MAP4K3: variants seen among roughly 807,000 people sequenced by gnomAD.
MAP4K3 encodes mitogen-activated protein kinase kinase kinase kinase 3, also known as MAPK/ERK kinase kinase kinase 3.
MAP4K3 carries 94 observed loss-of-function variants against 143.5 expected under a neutral mutation model. That is an observed-to-expected ratio of 0.65 (90% CI 0.55 to 0.78). MAP4K3 has a LOEUF of 0.78. Among genes scored for constraint, MAP4K3 ranks in the 30% least tolerant of loss-of-function variants. MAP4K3 has a pLI of 0.00. For synonymous variants in MAP4K3, 416 were observed against 347.2 expected (o/e 1.20, Z -2.20); for missense variants, 1,077 against 1,068.1 (o/e 1.01, Z -0.12).
intron 7 of MAP4K3, 50 bp from the exon 8 acceptor site, chr2:39,332,039 G>T: frequency 9.5e-7 from 1 of 1,051,884 alleles, no homozygotes; most frequent in Non-Finnish European, 1.4e-6. Context: ...AAATAAAATT[G>T]TTTAAGGCAA....
At chr2:39,338,053 G>A (rs1397182698) in intron 4 of MAP4K3, among the ~76,000 whole-genome samples, 1 of 152,028 alleles carries the variant, frequency 6.6e-6, no homozygotes, top group Non-Finnish European at 1.5e-5. Context: ...GTGAGCCACT[G>A]TGCCCAGCCA....
At chr2:39,307,668 TAAA>T (rs941194072) in intron 15 of MAP4K3, among the ~76,000 whole-genome samples, 4 of 146,590 alleles carry the variant, frequency 2.7e-5, no homozygotes, top group African/African-American at 1.0e-4. Flanking sequence ...TGCCATTTCT[TAAA>T]AAAAAAACCC....
At chr2:39,366,752 T>C (rs1218387720) in intron 2 of MAP4K3, among the ~76,000 whole-genome samples, 1 of 152,110 alleles carries the variant, frequency 6.6e-6, no homozygotes, top group Non-Finnish European at 1.5e-5. Flanking sequence ...ACTACTGGAG[T>C]ACCAGGAAAT....
chr2:39,341,416 T>C (rs900061692), intron 4 of MAP4K3, among the ~76,000 whole-genome samples: 12 of 152,042 alleles, frequency 7.9e-5, no homozygotes, highest in African/African-American at 2.7e-4. Context: ...CCTAGCACTT[T>C]GGGAAGCTGA....
intron 1 of MAP4K3, among the ~76,000 whole-genome samples, chr2:39,394,727 G>A (rs902435116): frequency 6.6e-6 from 1 of 152,116 alleles, no homozygotes; most frequent in African/African-American, 2.4e-5. Flanking sequence ...GAAACGAAGA[G>A]GGCAACTTCA....
chr2:39,268,616 C>A (rs1018086816), intron 26 of MAP4K3, among the ~76,000 whole-genome samples: 1 of 134,664 alleles, frequency 7.4e-6, no homozygotes, highest in East Asian at 2.3e-4. Context: ...CCACTGTGCC[C>A]GGCTAAAGAT....
intron 1 of MAP4K3, among the ~76,000 whole-genome samples, chr2:39,379,581 T>C (rs940338276): frequency 2.0e-5 from 3 of 152,096 alleles, no homozygotes; most frequent in South Asian, 2.1e-4. Context: ...AGGCAGAGTG[T>C]ATCTGAAAAA....
rs1268859534 is a variant in MAP4K3, at chr2:39,420,580, C to CT, written c.96+16311dup. On this transcript the variant is annotated intron_variant, in intron 1 of 33. Transcript: ENST00000263881. ...TACAGGCATGTGCCACCATGCCTGG[C>CT]TTTTTTTTTTTTTTAAGAGATGAGG... Among the ~76,000 whole-genome samples, 330 of 139,546 alleles carry CT rather than the reference C, an allele frequency of 2.4e-3. 1 individual carries two copies. The highest frequency in any genetic ancestry group is 0.015 in the Middle Eastern group (4 of 272). 91.5% of individuals were successfully genotyped at this position (139,546 alleles called of 152,430 possible). A position where few individuals can be genotyped will look rare whatever the true frequency, so the allele number is the denominator to read the frequency against.
At chr2:39,294,979 T>A (rs1056266659) in intron 16 of MAP4K3, among the ~76,000 whole-genome samples, 1 of 151,504 alleles carries the variant, frequency 6.6e-6, no homozygotes, top group African/African-American at 2.4e-5. Context: ...ACAGATTGAA[T>A]GCAGTAGCAG....
At chr2:39,416,416 G>C (rs1667382342) in intron 1 of MAP4K3, among the ~76,000 whole-genome samples, 1 of 152,112 alleles carries the variant, frequency 6.6e-6, no homozygotes, top group Non-Finnish European at 1.5e-5. Flanking sequence ...CTCTGTGCAA[G>C]AGACATATGT....
At chr2:39,278,377 A>G (rs777798543) in intron 24 of MAP4K3, 30 bp downstream of exon 24, 1 of 1,345,686 alleles carries the variant, frequency 7.4e-7, no homozygotes, top group Admixed American at 2.2e-5. Flanking sequence ...TTAAAAATTA[A>G]AAAAAAAAAG....
intron 1 of MAP4K3, among the ~76,000 whole-genome samples, chr2:39,430,292 A>G (rs1665245968): frequency 6.6e-6 from 1 of 152,208 alleles, no homozygotes. Context: ...AACAAACAAA[A>G]TAAGTGTCTT....
Position 39,436,679 on chromosome 2 carries a change from G to A in MAP4K3, c.96+213C>T, listed in dbSNP as rs1043839374. 9 of 563,764 alleles carry A rather than the reference G, an allele frequency of 1.6e-5. No homozygotes were observed. In the East Asian group the frequency reaches 2.8e-4, roughly 18 times the overall value. The allele number at this position is 563,764 out of a possible 1,614,324, so 34.9% of individuals were successfully genotyped here. A position where few individuals can be genotyped will look rare whatever the true frequency, so the allele number is the denominator to read the frequency against. ...AGGTGGCAAAAATCATGTCCACCGG[G>A]GGGGCTCAGGTAAGGGCTGGGGAGG... is the stretch of plus-strand genomic sequence containing the variant. On this transcript the variant is annotated intron_variant, in intron 1 of 33. Coordinates refer to ENST00000263881, the MANE Select transcript of MAP4K3 (RefSeq NM_003618.4).
At chr2:39,342,903 A>G (rs939217343) in intron 4 of MAP4K3, among the ~76,000 whole-genome samples, 1 of 152,224 alleles carries the variant, frequency 6.6e-6, no homozygotes, top group Non-Finnish European at 1.5e-5. Context: ...AGGCTATTTT[A>G]CTTTACAAAT....
intron 24 of MAP4K3, among the ~76,000 whole-genome samples, chr2:39,273,853 A>G (rs1681137739): frequency 6.6e-6 from 1 of 152,216 alleles, no homozygotes; most frequent in African/African-American, 2.4e-5. Context: ...AAAAATTCAC[A>G]ACAAAATTGG....
In MAP4K3 at chr2:39,282,511, A is replaced by G. The variant is rs1467993503; in HGVS notation, c.1629+2T>C. 6.2e-7 allele frequency: 1 copy of G among 1,610,084 alleles called. No homozygotes were observed. The highest frequency in any genetic ancestry group is 8.5e-7 in the Non-Finnish European group (1 of 1,177,194). Reference sequence around the variant, plus strand: ...TTAGCCTACTCCATATTTAGTACTTACATGCACTTTAGGTGTTGGAGGAAG... The same window carrying G: ...TTAGCCTACTCCATATTTAGTACTTGCATGCACTTTAGGTGTTGGAGGAAG... On this transcript the variant is annotated splice_donor_variant, in intron 22 of 33. Transcript: ENST00000263881. LOFTEE classifies it high-confidence loss of function.
intron 1 of MAP4K3, among the ~76,000 whole-genome samples, chr2:39,430,017 T>A (rs1665236699): frequency 6.6e-6 from 1 of 152,150 alleles, no homozygotes; most frequent in Non-Finnish European, 1.5e-5. Flanking sequence ...ACAATAATTG[T>A]GGGTGGGTGG....
Position 39,292,800 on chromosome 2 carries a change from T to A in MAP4K3, c.1244A>T (p.Asp415Val), listed in dbSNP as rs1257486757. ...QRGHVAHLED[D>V]EGDDDESKHS... ...TTTAGATTCATCATCATCTCCTTCA[T>A]CATCTTCTAAATGTGCGACGTGTCC... is the stretch of plus-strand genomic sequence containing the variant. The change falls in exon 18 of 34, where the codon GAT (aspartate) becomes GTT (valine). Residue 415 changes from aspartate to valine, a missense_variant. Physicochemically the swap from Asp to Val is radical, Grantham distance 152. Around this residue, in one of 2 missense-constraint regions of MAP4K3, gnomAD observed 864 missense variants for 801.2 expected, o/e 1.08. Transcript: ENST00000263881. 3 of 1,613,464 alleles carry A rather than the reference T, an allele frequency of 1.9e-6. No individual in the cohort carries two copies. Among genetic ancestry groups the A allele is most frequent in the Non-Finnish European group, 2.5e-6 (3 of 1,179,530 alleles).
intron 2 of MAP4K3, among the ~76,000 whole-genome samples, chr2:39,359,821 C>T (rs1392961187): frequency 3.9e-5 from 6 of 152,210 alleles, no homozygotes; most frequent in South Asian, 2.1e-4. Context: ...ACGGCTGGAG[C>T]GGCTAGGATG....
Sources: allele counts gnomAD v4.1 joint callset (sites outside exome capture counted in the v4.1 genomes callset), GRCh38; gene constraint gnomAD v4.1.1; regional missense constraint gnomAD v4.1.1; transcripts MANE v1.5; gene names NCBI Gene and HGNC (gene_info 2026-07-23, HGNC 2026-07-21).